The following CFAP299 variants were observed in gnomAD, a reference collection of about 807,000 sequenced individuals.
The protein encoded by CFAP299 is cilia and flagella associated protein 299.
Under a neutral mutation model 27.0 loss-of-function variants are expected in CFAP299, and 21 were observed. The observed-to-expected ratio is 0.78, with a 90% CI of 0.55 to 1.12. CFAP299 has a LOEUF of 1.12. Among genes scored for constraint, CFAP299 ranks in the 50% most tolerant of loss-of-function variants. The pLI, the probability that CFAP299 is intolerant of heterozygous loss-of-function variation, is 0.00. For missense variants in CFAP299, 310 were observed against 276.6 expected (o/e 1.12, Z -0.86); for synonymous variants, 104 against 98.1 (o/e 1.06, Z -0.36).
chr4:80,828,649 C>A (rs372651521), intron 3 of CFAP299, among the ~76,000 whole-genome samples: 18 of 151,946 alleles, frequency 1.2e-4, no homozygotes, highest in East Asian at 7.7e-4. Flanking sequence ...GCCTGCTCCC[C>A]CTTCACCTTC....
At chr4:80,738,882 G>T (rs1023209332) in intron 3 of CFAP299, among the ~76,000 whole-genome samples, 7 of 151,466 alleles carry the variant, frequency 4.6e-5, no homozygotes, top group African/African-American at 1.7e-4. Context: ...TAATTTCTTA[G>T]TTTTTTAATT....
At chr4:80,400,763 GAACTGGGT>G (rs1441283284) in intron 2 of CFAP299, among the ~76,000 whole-genome samples, 1 of 152,206 alleles carries the variant, frequency 6.6e-6, no homozygotes, top group East Asian at 1.9e-4. Context: ...AGTGACTTTT[GAACTGGGT>G]AACAGGCAGA....
chr4:80,567,145 T>A, intron 2 of CFAP299, among the ~76,000 whole-genome samples: 1 of 152,142 alleles, frequency 6.6e-6, no homozygotes, highest in Non-Finnish European at 1.5e-5. Flanking sequence ...CTCTGTCTAG[T>A]GTGCATGTTA....
At chr4:80,708,169 T>G (rs1721929774) in intron 3 of CFAP299, among the ~76,000 whole-genome samples, 1 of 152,072 alleles carries the variant, frequency 6.6e-6, no homozygotes, top group Non-Finnish European at 1.5e-5. Flanking sequence ...CTTCATTTGT[T>G]TTGATTTTCA....
intron 4 of CFAP299, among the ~76,000 whole-genome samples, chr4:80,899,741 C>T (rs1734791312): frequency 6.6e-6 from 1 of 152,152 alleles, no homozygotes; most frequent in African/African-American, 2.4e-5. Flanking sequence ...CATCAGTCAG[C>T]TTGGGTTCAA....
chr4:80,907,752 C>T (rs114726383), intron 4 of CFAP299, among the ~76,000 whole-genome samples: 17,402 of 152,138 alleles, frequency 0.11, 2,172 homozygotes, highest in African/African-American at 0.31. Flanking sequence ...TCTCACAACA[C>T]GTGGGGATTA....
At chr4:80,701,882 A>C (rs1027748983) in intron 3 of CFAP299, among the ~76,000 whole-genome samples, 1 of 152,126 alleles carries the variant, frequency 6.6e-6, no homozygotes, top group East Asian at 1.9e-4. Flanking sequence ...GTTTGTTTAA[A>C]TAAAACCCAA....
intron 3 of CFAP299, among the ~76,000 whole-genome samples, chr4:80,869,345 A>G (rs560253400): frequency 2.0e-5 from 3 of 152,254 alleles, no homozygotes; most frequent in Admixed American, 2.0e-4. Context: ...TCTCCCCTTA[A>G]CCAAGAACTT....
chr4:80,478,067 C>A (rs972161107), intron 2 of CFAP299, among the ~76,000 whole-genome samples: 1 of 152,124 alleles, frequency 6.6e-6, no homozygotes, highest in Admixed American at 6.5e-5. Flanking sequence ...CTCATTTACT[C>A]CCCCAGAAAA....
intron 3 of CFAP299, among the ~76,000 whole-genome samples, chr4:80,817,844 CTTTTA>C (rs1729501797): frequency 1.4e-5 from 2 of 147,340 alleles, no homozygotes; most frequent in African/African-American, 2.5e-5. Flanking sequence ...TTTTCTTCAA[CTTTTA>C]TTTTAAGTTC....
chr4:80,673,835 ACT>A (rs1418864878), intron 3 of CFAP299, among the ~76,000 whole-genome samples: 1 of 138,222 alleles, frequency 7.2e-6, no homozygotes, highest in Non-Finnish European at 1.5e-5. Flanking sequence ...AGGATTGCAA[ACT>A]CTGCCTTTTT....
intron 3 of CFAP299, among the ~76,000 whole-genome samples, chr4:80,636,342 A>G (rs959574727): frequency 1.3e-5 from 2 of 152,120 alleles, no homozygotes; most frequent in African/African-American, 2.4e-5. Context: ...ATTTGTAACC[A>G]CTCAGAAGTG....
At chr4:80,910,644 G>T (rs1262545791) in intron 4 of CFAP299, among the ~76,000 whole-genome samples, 1 of 152,020 alleles carries the variant, frequency 6.6e-6, no homozygotes, top group South Asian at 2.1e-4. Flanking sequence ...GACACAAAGA[G>T]GACAACAATA....
intron 4 of CFAP299, among the ~76,000 whole-genome samples, chr4:80,940,511 C>T (rs376748284): frequency 7.9e-5 from 12 of 152,222 alleles, no homozygotes; most frequent in East Asian, 5.8e-4. Flanking sequence ...TTTTTTTCCA[C>T]GAACGGGGTT....
chr4:80,831,676 A>G (rs1307468347), intron 3 of CFAP299, among the ~76,000 whole-genome samples: 1 of 152,156 alleles, frequency 6.6e-6, no homozygotes, highest in Non-Finnish European at 1.5e-5. Context: ...TTTGACAACT[A>G]TTAGTATATG....
intron 2 of CFAP299, among the ~76,000 whole-genome samples, chr4:80,402,182 A>C (rs1342528769): frequency 6.6e-6 from 1 of 152,096 alleles, no homozygotes; most frequent in Non-Finnish European, 1.5e-5. Flanking sequence ...CTTTTGGATT[A>C]ATGCTGAACT....
intron 2 of CFAP299, among the ~76,000 whole-genome samples, chr4:80,520,015 T>A (rs942997275): frequency 6.6e-6 from 1 of 152,174 alleles, no homozygotes; most frequent in Non-Finnish European, 1.5e-5. Context: ...CAAGAGAGGC[T>A]TTCTACATCT....
chr4:80,516,475 G>C (rs917932367), intron 2 of CFAP299, among the ~76,000 whole-genome samples: 11 of 152,188 alleles, frequency 7.2e-5, no homozygotes, highest in African/African-American at 2.7e-4. Context: ...GATGGAAGGT[G>C]AAGGGATGGC....
At chr4:80,694,430 A>G (rs1461806419) in intron 3 of CFAP299, among the ~76,000 whole-genome samples, 1 of 152,250 alleles carries the variant, frequency 6.6e-6, no homozygotes, top group Non-Finnish European at 1.5e-5. Flanking sequence ...TCAGTAAGAA[A>G]GAACAATGCA....
Sources: allele counts gnomAD v4.1 joint callset (sites outside exome capture counted in the v4.1 genomes callset), GRCh38; gene constraint gnomAD v4.1.1; transcripts MANE v1.5; gene names NCBI Gene and HGNC (gene_info 2026-07-23, HGNC 2026-07-21).